OLIG3: variants seen among roughly 807,000 people sequenced by gnomAD.
The protein encoded by OLIG3 is class B basic helix-loop-helix protein 7.
A neutral mutation model predicts 14.7 loss-of-function variants in OLIG3; 12 were observed. The observed-to-expected ratio is 0.82, with a 90% CI of 0.52 to 1.32. The LOEUF (loss-of-function observed/expected upper bound fraction) is 1.32. Ranked by LOEUF, OLIG3 falls within the 40% of genes most tolerant of loss-of-function variation. OLIG3 has a pLI of 0.00. For missense variants in OLIG3, 405 were observed against 373.7 expected, an observed-to-expected ratio of 1.08 and a Z score of -0.69; for synonymous variants, 192 against 171.4, an observed-to-expected ratio of 1.12 and a Z score of -0.94.
In OLIG3 at chr6:137,494,236, A is replaced by AT; in HGVS notation, c.-67dup. Reference sequence around the variant, plus strand: ...GGCGGGAAATTAAAGAAAATCTTGAATTAAAAAAAAAAAATCTGCACTGCC... The same window carrying AT: ...GGCGGGAAATTAAAGAAAATCTTGAATTTAAAAAAAAAAAATCTGCACTGCC... On this transcript the variant is annotated 5_prime_UTR_variant, in exon 1 of 1. Transcript: ENST00000367734. 1.0e-5 allele frequency: 14 copies of AT among 1,343,006 alleles called. No homozygotes were observed. The highest frequency in any genetic ancestry group is 1.4e-5 in the South Asian group (1 of 71,012). 83.2% of individuals were successfully genotyped at this position (1,343,006 alleles called of 1,614,324 possible). A position where few individuals can be genotyped will look rare whatever the true frequency, so the allele number is the denominator to read the frequency against.
chr6:137,494,200 G>C lies in OLIG3; in HGVS notation c.-30C>G, dbSNP rs756834080. The C allele has an allele frequency of 1.3e-6, 2 of 1,565,808 alleles. No individual in the cohort carries two copies. The highest frequency in any genetic ancestry group is 8.7e-7 in the Non-Finnish European group (1 of 1,152,316). ...TTACAGGGGATGCGGCCCTACCGTG[G>C]GGAGGCTTTAGGCGGGAAATTAAAG... is the stretch of plus-strand genomic sequence containing the variant. On this transcript the variant is annotated 5_prime_UTR_variant, in exon 1 of 1. Transcript: ENST00000367734.
At position 137,493,419 on chromosome 6, in the gene OLIG3, T is replaced by C. The variant is rs1783149755; in HGVS notation, c.752A>G (p.His251Arg). Residue 251 changes from histidine (H) to arginine (R), a missense_variant, in exon 1 of 1, where the codon CAC becomes CGC. Transcript: ENST00000367734. The surrounding 1 kb of genome is among the most constrained non-coding windows in gnomAD (Gnocchi z 6.1). The stretch of plus-strand genomic sequence containing the variant: ...GTTGGCTGTGGAGAGAGCGGACAGG[T>C]GCGGCGGCGGCGGCATCTGGCAGAT... ...CTICQMPPPP[H>R]LSALSTANMA... 6.3e-7 allele frequency: 1 copy of C among 1,590,098 alleles called. No homozygotes were observed. Among genetic ancestry groups the C allele is most frequent in the Admixed American group, 1.7e-5 (1 of 58,452 alleles).
chr6:137,493,297 C>A lies in OLIG3; in HGVS notation c.*55G>T, dbSNP rs1327331507. The A allele has an allele frequency of 5.7e-6, 8 of 1,411,150 alleles. No individual in the cohort carries two copies. The highest frequency in any genetic ancestry group is 5.6e-6 in the Non-Finnish European group (6 of 1,073,420). The allele number at this position is 1,411,150 out of a possible 1,614,324, so 87.4% of individuals were successfully genotyped here. A position where few individuals can be genotyped will look rare whatever the true frequency, so the allele number is the denominator to read the frequency against. Reference sequence around the variant, plus strand: ...CTCCCTCTTCCCTCCCGGCCCGGCACCGCGGCCCCTCCCGCCGCTCTCCCT... The same window carrying A: ...CTCCCTCTTCCCTCCCGGCCCGGCAACGCGGCCCCTCCCGCCGCTCTCCCT... On this transcript the variant is annotated 3_prime_UTR_variant, in exon 1 of 1. Coordinates refer to ENST00000367734, the MANE Select transcript of OLIG3 (RefSeq NM_175747.2). This position sits in a 1 kb window ranked among gnomAD's most constrained non-coding sequence, Gnocchi z 6.1.
At position 137,493,311 on chromosome 6, in the gene OLIG3, G is replaced by A; in HGVS notation, c.*41C>T. On this transcript the variant is annotated 3_prime_UTR_variant, in exon 1 of 1. Transcript: ENST00000367734. This position sits in a 1 kb window ranked among gnomAD's most constrained non-coding sequence, Gnocchi z 6.1. ...CCGGCCCGGCACCGCGGCCCCTCCC[G>A]CCGCTCTCCCTCCTCCTTGGCAGCC... The A allele has an allele frequency of 1.4e-6, 2 of 1,466,796 alleles. No individual in the cohort carries two copies. The highest frequency in any genetic ancestry group is 9.0e-7 in the Non-Finnish European group (1 of 1,114,610). The allele number at this position is 1,466,796 out of a possible 1,614,324, so 90.9% of individuals were successfully genotyped here.
Position 137,494,195 on chromosome 6 carries a change from C to A in OLIG3, c.-25G>T. ...TTTTATTACAGGGGATGCGGCCCTA[C>A]CGTGGGGAGGCTTTAGGCGGGAAAT... is the stretch of plus-strand genomic sequence containing the variant. On this transcript the variant is annotated 5_prime_UTR_variant, in exon 1 of 1. Transcript: ENST00000367734. The A allele has an allele frequency of 6.4e-7, 1 of 1,572,066 alleles. No individual in the cohort carries two copies. The highest frequency in any genetic ancestry group is 1.4e-5 in the African/African-American group (1 of 73,250).
At position 137,494,281 on chromosome 6, in the gene OLIG3, G is replaced by T; in HGVS notation, c.-111C>A. On this transcript the variant is annotated 5_prime_UTR_variant, in exon 1 of 1. Coordinates refer to ENST00000367734, the MANE Select transcript of OLIG3 (RefSeq NM_175747.2). Reference sequence around the variant, plus strand: ...ACTGCCCAGGAACCCACTTCTCCGCGGCAAGACGTGAGAAGAAAAGCGGAG... The same window carrying T: ...ACTGCCCAGGAACCCACTTCTCCGCTGCAAGACGTGAGAAGAAAAGCGGAG... The T allele has an allele frequency of 1.1e-6, 1 of 915,198 alleles. No homozygotes were observed. Among genetic ancestry groups the T allele is most frequent in the Non-Finnish European group, 1.7e-6 (1 of 598,666 alleles). The allele number at this position is 915,198 out of a possible 1,614,324, so 56.7% of individuals were successfully genotyped here.
In OLIG3 at chr6:137,494,057, G is replaced by A; in HGVS notation, c.114C>T (p.Asn38=). 6.2e-7 allele frequency: 1 copy of A among 1,611,766 alleles called. No individual in the cohort carries two copies. Among genetic ancestry groups the A allele is most frequent in the Non-Finnish European group, 8.5e-7 (1 of 1,179,470 alleles). Residue 38 remains asparagine, a synonymous_variant, in exon 1 of 1, where the codon AAC becomes AAT. Coordinates refer to ENST00000367734, the MANE Select transcript of OLIG3 (RefSeq NM_175747.2). The stretch of plus-strand genomic sequence containing the variant: ...TATCGCCCTGCGTGGACGAGACCGA[G>A]TTGAGACGGCTCTCCTGGTGGTGGT... The part of the protein sequence containing the change: ...RHHHHQESRL[N]SVSSTQGDMM...
rs571723366 is a variant in OLIG3, at chr6:137,493,670, C to G, written c.501G>C (p.Ser167=). Residue 167 remains serine (S), a synonymous_variant, in exon 1 of 1, where the codon TCG becomes TCC. Coordinates refer to ENST00000367734, the MANE Select transcript of OLIG3 (RefSeq NM_175747.2). The surrounding 1 kb of genome is among the most constrained non-coding windows in gnomAD (Gnocchi z 6.1). The stretch of plus-strand genomic sequence containing the variant: ...TGGCCGCGTGCGCGGGGTGGCCGGC[C>G]GAGTGGCCCACGGTCCCGCAGTGAA... The part of the protein sequence containing the change: ...SAFHCGTVGH[S]AGHPAHAANS... 1.2e-6 allele frequency: 2 copies of G among 1,610,178 alleles called. No individual in the cohort carries two copies. Among genetic ancestry groups the G allele is most frequent in the Admixed American group, 1.7e-5 (1 of 59,988 alleles).
rs1489856221 is a variant in OLIG3, at chr6:137,493,551, C to T, written c.620G>A (p.Gly207Asp). The T allele has an allele frequency of 1.3e-6, 2 of 1,584,518 alleles. No homozygotes were observed. Among genetic ancestry groups the T allele is most frequent in the Admixed American group, 1.8e-5 (1 of 55,964 alleles). Reference sequence around the variant, plus strand: ...TAGCGAGTGGGGAGGCCGGATGGTGCCGATGGCGGGAAGTGAGGCGGCGGA... The same window carrying T: ...TAGCGAGTGGGGAGGCCGGATGGTGTCGATGGCGGGAAGTGAGGCGGCGGA... ...PLSAASLPAI[G>D]TIRPPHSLLK... Residue 207 changes from glycine (G) to aspartate (D), a missense_variant, in exon 1 of 1, where the codon GGC becomes GAC. Gly to Asp is a moderately conservative substitution (Grantham distance 94). This residue lies in a region of OLIG3 where 230 missense variants were observed against 178.5 expected (regional missense o/e 1.29). Transcript: ENST00000367734. This position sits in a 1 kb window ranked among gnomAD's most constrained non-coding sequence, Gnocchi z 6.1.
chr6:137,493,346 C>A lies in OLIG3; in HGVS notation c.*6G>T. 1 of 1,550,612 alleles carries A rather than the reference C, an allele frequency of 6.4e-7. No homozygotes were observed. Among genetic ancestry groups the A allele is most frequent in the Admixed American group, 1.9e-5 (1 of 53,646 alleles). On this transcript the variant is annotated 3_prime_UTR_variant, in exon 1 of 1. Coordinates refer to ENST00000367734, the MANE Select transcript of OLIG3 (RefSeq NM_175747.2). The surrounding 1 kb of genome is among the most constrained non-coding windows in gnomAD (Gnocchi z 6.1). ...CTCCTCCTTGGCAGCCGGGCCCGCC[C>A]GCTGCTCACTTGAGCAAGTCCTTGG... is the stretch of plus-strand genomic sequence containing the variant.
rs1336285511 is a variant in OLIG3 at position 137,493,396 on chromosome 6, T to C, written c.775A>G (p.Asn259Asp). ...PPHLSALSTA[N>D]MARLSAESKD... ...GACTCGGCCGACAGCCGGGCCATGT[T>C]GGCTGTGGAGAGAGCGGACAGGTGC... Residue 259 changes from asparagine (N) to aspartate (D), a missense_variant, in exon 1 of 1, where the codon AAC (asparagine) becomes GAC (aspartate). By Grantham distance (23) the Asn-to-Asp change is conservative. Transcript: ENST00000367734. This position sits in a 1 kb window ranked among gnomAD's most constrained non-coding sequence, Gnocchi z 6.1. 5.0e-6 allele frequency: 8 copies of C among 1,594,342 alleles called. No homozygotes were observed. Among genetic ancestry groups the C allele is most frequent in the Non-Finnish European group, 6.8e-6 (8 of 1,176,666 alleles).
Position 137,493,493 on chromosome 6 carries a change from C to A in OLIG3, c.678G>T (p.Gln226His). ...LKAPSTPPAL[Q>H]LGSGFQHWAG... Reference sequence around the variant, plus strand: ...CCCAGTGCTGGAAGCCGCTGCCCAGCTGCAGCGCGGGCGGCGTGGAGGGCG... The same window carrying A: ...CCCAGTGCTGGAAGCCGCTGCCCAGATGCAGCGCGGGCGGCGTGGAGGGCG... The change falls in exon 1 of 1, where the codon CAG (glutamine) becomes CAT (histidine). Residue 226 changes from glutamine to histidine, a missense_variant. Physicochemically the swap from Gln to His is conservative, Grantham distance 24 (BLOSUM62 0). This residue lies in a region of OLIG3 where 230 missense variants were observed against 178.5 expected (regional missense o/e 1.29). Coordinates refer to ENST00000367734, the MANE Select transcript of OLIG3 (RefSeq NM_175747.2). This position sits in a 1 kb window ranked among gnomAD's most constrained non-coding sequence, Gnocchi z 6.1. 2 of 1,573,760 alleles carry A rather than the reference C, an allele frequency of 1.3e-6. No individual in the cohort carries two copies. The highest frequency in any genetic ancestry group is 2.7e-5 in the African/African-American group (2 of 74,436).
rs1783129826 is a variant in OLIG3 at position 137,492,466 on chromosome 6, C to T, written c.*886G>A. ...GGGTGGCGCAAGCTACTAGAGGGAG[C>T]CCAGGCTTTTACAATAGCGGCCCCA... is the stretch of plus-strand genomic sequence containing the variant. On this transcript the variant is annotated 3_prime_UTR_variant, in exon 1 of 1. Transcript: ENST00000367734. 1 of 152,040 alleles carries T rather than the reference C, an allele frequency of 6.6e-6. No individual in the cohort carries two copies. The allele number at this position is 152,040 out of a possible 1,614,324, so 9.4% of individuals were successfully genotyped here. A position where few individuals can be genotyped will look rare whatever the true frequency, so the allele number is the denominator to read the frequency against.
chr6:137,493,334 G>T lies in OLIG3; in HGVS notation c.*18C>A. ...CCGCCGCTCTCCCTCCTCCTTGGCAGCCGGGCCCGCCCGCTGCTCACTTGA... is the reference window on the plus strand; with the variant it reads ...CCGCCGCTCTCCCTCCTCCTTGGCATCCGGGCCCGCCCGCTGCTCACTTGA... On this transcript the variant is annotated 3_prime_UTR_variant, in exon 1 of 1. Coordinates refer to ENST00000367734, the MANE Select transcript of OLIG3 (RefSeq NM_175747.2). This position sits in a 1 kb window ranked among gnomAD's most constrained non-coding sequence, Gnocchi z 6.1. 6.5e-7 allele frequency: 1 copy of T among 1,527,920 alleles called. No individual in the cohort carries two copies. Among genetic ancestry groups the T allele is most frequent in the Non-Finnish European group, 8.7e-7 (1 of 1,148,474 alleles). 94.6% of individuals were successfully genotyped at this position (1,527,920 alleles called of 1,614,324 possible). A position where few individuals can be genotyped will look rare whatever the true frequency, so the allele number is the denominator to read the frequency against.
Position 137,494,143 on chromosome 6 carries a change from T to G in OLIG3, c.28A>C (p.Ser10Arg). The change falls in exon 1 of 1, where the codon AGC (serine) becomes CGC (arginine). Residue 10 changes from serine to arginine, a missense_variant. Physicochemically the swap from Ser to Arg is moderately radical, Grantham distance 110. This residue lies in a region of OLIG3 where 165 missense variants were observed against 165.5 expected (regional missense o/e 1.00). Transcript: ENST00000367734. MNSDSSSVS[S>R]RASSPDMDEM... Reference sequence around the variant, plus strand: ...TCCATGTCCGGAGATGAAGCTCTGCTGGAGACAGAGCTCGAATCAGAATTC... The same window carrying G: ...TCCATGTCCGGAGATGAAGCTCTGCGGGAGACAGAGCTCGAATCAGAATTC... 6.2e-7 allele frequency: 1 copy of G among 1,613,720 alleles called. No homozygotes were observed. The highest frequency in any genetic ancestry group is 8.5e-7 in the Non-Finnish European group (1 of 1,179,886).
At position 137,494,306 on chromosome 6, in the gene OLIG3, GA is replaced by G; in HGVS notation, c.-137del. The G allele has an allele frequency of 3.9e-6, 3 of 762,064 alleles. No individual in the cohort carries two copies. The highest frequency in any genetic ancestry group is 4.2e-6 in the Non-Finnish European group (2 of 470,590). The allele number at this position is 762,064 out of a possible 1,614,324, so 47.2% of individuals were successfully genotyped here. On this transcript the variant is annotated 5_prime_UTR_variant, in exon 1 of 1. Coordinates refer to ENST00000367734, the MANE Select transcript of OLIG3 (RefSeq NM_175747.2). Reference sequence around the variant, plus strand: ...GGCAAGACGTGAGAAGAAAAGCGGAGACGCTGCTTTTCCCCGCCTCTCTCCC... The same window carrying G: ...GGCAAGACGTGAGAAGAAAAGCGGAGCGCTGCTTTTCCCCGCCTCTCTCCC...
Position 137,492,204 on chromosome 6 carries a change from T to G in OLIG3, c.*1148A>C, listed in dbSNP as rs540837626. The G allele has an allele frequency of 1.3e-5, 2 of 152,902 alleles. No homozygotes were observed. Among genetic ancestry groups the G allele is most frequent in the South Asian group, 4.1e-4 (2 of 4,820 alleles). 9.5% of individuals were successfully genotyped at this position (152,902 alleles called of 1,614,324 possible). On this transcript the variant is annotated 3_prime_UTR_variant, in exon 1 of 1. Transcript: ENST00000367734. ...ATTTTAGGCAAAGGCAAAGCCACGA[T>G]TTAAAGGTTCTTTTTTATTTGAAAT...
rs1284803282 is a variant in OLIG3 at position 137,493,587 on chromosome 6, G to C, written c.584C>G (p.Ser195Trp). ...AAGTGAGGCGGCGGACAGCGGTGAC[G>C]AGGCGTTGCCAGATGAGAGCGCGCC... Reference protein sequence around the residue: ...LGGALSSGNASSPLSAASLPA... With the variant: ...LGGALSSGNAWSPLSAASLPA... Residue 195 changes from serine to tryptophan, a missense_variant, in exon 1 of 1, where the codon TCG becomes TGG. Around this residue, in one of 3 missense-constraint regions of OLIG3, gnomAD observed 230 missense variants for 178.5 expected, o/e 1.29. Coordinates refer to ENST00000367734, the MANE Select transcript of OLIG3 (RefSeq NM_175747.2). This position sits in a 1 kb window ranked among gnomAD's most constrained non-coding sequence, Gnocchi z 6.1. 9 of 1,597,192 alleles carry C rather than the reference G, an allele frequency of 5.6e-6. No homozygotes were observed. The highest frequency in any genetic ancestry group is 4.0e-5 in the African/African-American group (3 of 74,700).
chr6:137,494,118 T>A lies in OLIG3; in HGVS notation c.53A>T (p.Asp18Val), dbSNP rs1783164159. 3.7e-6 allele frequency: 6 copies of A among 1,613,608 alleles called. No individual in the cohort carries two copies. Among genetic ancestry groups the A allele is most frequent in the Non-Finnish European group, 3.4e-6 (4 of 1,180,024 alleles). Residue 18 changes from aspartate (D) to valine (V), a missense_variant, in exon 1 of 1, where the codon GAT becomes GTT. Asp to Val is a radical substitution (Grantham distance 152). Transcript: ENST00000367734. ...VSSRASSPDMDEMYLRDHHHR... is the reference protein window; with the variant it reads ...VSSRASSPDMVEMYLRDHHHR... ...GTGGTGGTCCCTCAGGTACATCTCA[T>A]CCATGTCCGGAGATGAAGCTCTGCT...
Sources: gnomAD v4.1 joint callset for allele counts on GRCh38, gnomAD v4.1.1 for gene constraint, gnomAD v4.1.1 regional missense constraint, Gnocchi (gnomAD v3.1) non-coding constraint, MANE v1.5 for transcripts, NCBI Gene and HGNC (gene_info 2026-07-23, HGNC 2026-07-21) for gene names.